TENM2: variants seen among roughly 807,000 people sequenced by gnomAD.
TENM2 encodes the protein teneurin transmembrane protein 2.
Under a neutral mutation model 245.2 loss-of-function variants are expected in TENM2, and 52 were observed. The ratio of observed to expected loss-of-function variants is 0.21; its 90% confidence interval spans 0.17 to 0.27. The LOEUF (loss-of-function observed/expected upper bound fraction) is 0.27, where lower values mean the gene tolerates loss of function less well. Ranked by LOEUF, TENM2 falls within the 10% of genes least tolerant of loss-of-function variation. The pLI, the probability that TENM2 is intolerant of heterozygous loss-of-function variation, is 1.00. For synonymous variants in TENM2, 1,363 were observed against 1,438.9 expected (o/e 0.95, Z 1.19); for missense variants, 3,046 against 3,666.8 (o/e 0.83, Z 4.37).
rs1780016461 is a variant in TENM2, at chr5:167,950,677, CCCTG to C, written c.713-1910_713-1907del. Reference sequence around the variant, plus strand: ...CATGTGTGAGGGGCTTGGATAGCATCCCTGAAGGATCATTATTACATCATTTCAC... The same window carrying C: ...CATGTGTGAGGGGCTTGGATAGCATCAAGGATCATTATTACATCATTTCAC... On this transcript the variant is annotated intron_variant, in intron 3 of 28. Transcript: ENST00000518659. Among the ~76,000 whole-genome samples, 8 of 152,220 alleles carry C rather than the reference CCCTG, an allele frequency of 5.3e-5. No homozygotes were observed. The South Asian group carries it at 1.7e-3, about 32-fold the overall frequency.
chr5:167,321,801 T>TTGGGCG (rs67957514), intron 1 of TENM2, among the ~76,000 whole-genome samples: 1 of 7,282 alleles, frequency 1.4e-4, no homozygotes, highest in African/African-American at 5.2e-4. Context: ...TTTTTTTTTT[T>TTGGGCG]GGGGGGGGGG....
exon 2 of TENM2, chr5:167,375,223 G>C (rs1760675788): frequency 1.3e-6 from 2 of 1,551,618 alleles, no homozygotes; most frequent in African/African-American, 1.4e-5. Flanking sequence ...TTGCCGAACT[G>C]GGCATCTGTG....
the TENM2 span, among the ~76,000 whole-genome samples, chr5:167,076,099 G>A: frequency 7.9e-5 from 12 of 152,160 alleles, no homozygotes; most frequent in East Asian, 2.3e-3. Context: ...AGCTTTTCTG[G>A]CCAGGGATCT....
intron 3 of TENM2, among the ~76,000 whole-genome samples, chr5:167,883,053 C>A (rs141979973): frequency 2.6e-5 from 4 of 152,134 alleles, no homozygotes; most frequent in Non-Finnish European, 4.4e-5. Context: ...AAACTAAGGC[C>A]TACACAGTCA....
At chr5:167,029,750 C>T in the TENM2 span, among the ~76,000 whole-genome samples, 1 of 152,344 alleles carries the variant, frequency 6.6e-6, no homozygotes, top group East Asian at 1.9e-4. Flanking sequence ...GCATGGTTCT[C>T]ACAACCTTGC....
intron 2 of TENM2, among the ~76,000 whole-genome samples, chr5:167,629,287 C>T (rs1026198424): frequency 1.3e-5 from 2 of 152,098 alleles, no homozygotes; most frequent in African/African-American, 4.8e-5. Context: ...GTCTACATGC[C>T]TCGGTTTTCT....
At chr5:167,106,965 C>G in the TENM2 span, among the ~76,000 whole-genome samples, 11 of 151,896 alleles carry the variant, frequency 7.2e-5, no homozygotes, top group African/African-American at 2.7e-4. Context: ...CAATAAAGAG[C>G]CAGGCGCGGT....
At chr5:167,897,896 T>TG (rs989091635) in intron 3 of TENM2, among the ~76,000 whole-genome samples, 4 of 147,264 alleles carry the variant, frequency 2.7e-5, no homozygotes, top group African/African-American at 1.0e-4. Context: ...AATTGTTTTT[T>TG]TTTTTTTTTT....
chr5:167,144,822 A>C, the TENM2 span, among the ~76,000 whole-genome samples: 1 of 152,230 alleles, frequency 6.6e-6, no homozygotes, highest in South Asian at 2.1e-4. Flanking sequence ...TTGTTGCTGT[A>C]ACAAGCAGTG....
At chr5:168,102,826 A>G (rs1331114335) in intron 9 of TENM2, among the ~76,000 whole-genome samples, 1 of 152,244 alleles carries the variant, frequency 6.6e-6, no homozygotes, top group African/African-American at 2.4e-5. Flanking sequence ...GATATTGTGC[A>G]AAGTACTTAA....
intron 2 of TENM2, among the ~76,000 whole-genome samples, chr5:167,562,430 T>C (rs1225336220): frequency 6.6e-6 from 1 of 151,982 alleles, no homozygotes; most frequent in African/African-American, 2.4e-5. Context: ...GGAAAATGGA[T>C]GGTTTCAGAT....
intron 2 of TENM2, among the ~76,000 whole-genome samples, chr5:167,380,976 A>G (rs2127332667): frequency 6.6e-6 from 1 of 152,260 alleles, no homozygotes. Context: ...TGCATTGAGA[A>G]TTAAGGTCAT....
intron 2 of TENM2, among the ~76,000 whole-genome samples, chr5:167,818,289 G>A (rs1004924480): frequency 6.6e-6 from 1 of 152,116 alleles, no homozygotes; most frequent in East Asian, 1.9e-4. Context: ...TGATGACTAC[G>A]GTGCTTTGCA....
the TENM2 span, among the ~76,000 whole-genome samples, chr5:167,223,327 C>T: frequency 0.21 from 32,212 of 151,896 alleles, 4,096 homozygotes; most frequent in African/African-American, 0.36. Context: ...CTCTGGTTAA[C>T]TCCCCCGACC....
At chr5:167,503,356 A>G (rs1769335832) in intron 2 of TENM2, among the ~76,000 whole-genome samples, 1 of 152,114 alleles carries the variant, frequency 6.6e-6, no homozygotes, top group African/African-American at 2.4e-5. Context: ...TAGACAGTGC[A>G]TTTGTAGAAA....
chr5:167,231,431 G>T, the TENM2 span, among the ~76,000 whole-genome samples: 1 of 152,192 alleles, frequency 6.6e-6, no homozygotes, highest in Non-Finnish European at 1.5e-5. Flanking sequence ...AACTTGTTGG[G>T]AACTGGAATA....
intron 2 of TENM2, among the ~76,000 whole-genome samples, chr5:167,835,610 A>C (rs1043088578): frequency 4.6e-5 from 7 of 152,194 alleles, no homozygotes; most frequent in Non-Finnish European, 8.8e-5. Flanking sequence ...TCACATGAGC[A>C]GTGCAATTTA....
intron 4 of TENM2, among the ~76,000 whole-genome samples, chr5:167,959,073 G>A (rs549787348): frequency 6.6e-6 from 1 of 151,940 alleles, no homozygotes; most frequent in East Asian, 1.9e-4. Flanking sequence ...CCTGAAGAGT[G>A]TTTTCCAATT....
At chr5:167,385,899 T>TA (rs1761406948) in intron 2 of TENM2, among the ~76,000 whole-genome samples, 1 of 143,734 alleles carries the variant, frequency 7.0e-6, no homozygotes, top group Non-Finnish European at 1.5e-5. Context: ...TGTGTGTGTG[T>TA]GTTACAGTTT....
Sources: gnomAD v4.1 joint callset for allele counts (sites outside exome capture counted in the v4.1 genomes callset) on GRCh38, gnomAD v4.1.1 for gene constraint, MANE v1.5 for transcripts, NCBI Gene and HGNC (gene_info 2026-07-23, HGNC 2026-07-21) for gene names.